Variants in ZNF254 observed in about 807,000 individuals in gnomAD.
ZNF254 encodes zinc finger protein 254, also known as CTD-2017D11.1.
A neutral mutation model predicts 12.4 loss-of-function variants in ZNF254; 10 were observed. That is an observed-to-expected ratio of 0.80 (90% CI 0.50 to 1.36). The LOEUF is 1.36. Among genes scored for constraint, ZNF254 ranks in the 40% most tolerant of loss-of-function variants. The pLI is 0.00. For synonymous variants in ZNF254, 305 were observed against 253.4 expected, an observed-to-expected ratio of 1.20 and a Z score of -1.93; for missense variants, 996 against 763.9, an observed-to-expected ratio of 1.30 and a Z score of -3.58.
chr19:24,083,698 A>T (rs1222185504), upstream of ZNF254, among the ~76,000 whole-genome samples: 1 of 152,208 alleles, frequency 6.6e-6, no homozygotes, highest in African/African-American at 2.4e-5. Flanking sequence ...TCAAAAGAAG[A>T]TATACAAATG....
At chr19:24,123,105 C>T (rs1974597460) in intron 3 of ZNF254, among the ~76,000 whole-genome samples, 2 of 150,742 alleles carry the variant, frequency 1.3e-5, no homozygotes, top group African/African-American at 4.9e-5. Flanking sequence ...TTCATTAAGT[C>T]TGTCTGTTGC....
chr19:24,052,171 T>C (rs1338077381), intron 2 of ZNF254, among the ~76,000 whole-genome samples: 1 of 152,202 alleles, frequency 6.6e-6, no homozygotes, highest in African/African-American at 2.4e-5. Flanking sequence ...GTTGCTGGAC[T>C]CACCACCTAT....
chr19:24,071,738 G>T (rs1401004583), intron 2 of ZNF254, among the ~76,000 whole-genome samples: 2 of 152,118 alleles, frequency 1.3e-5, no homozygotes, highest in African/African-American at 4.8e-5. Flanking sequence ...CCCAAGGAGG[G>T]ATTGTGATGT....
rs1188431333 is a variant in ZNF254 at position 24,087,298 on chromosome 19, C to T, written c.-10C>T. On this transcript the variant is annotated 5_prime_UTR_variant, in exon 1 of 4. Coordinates refer to ENST00000357002, the MANE Select transcript of ZNF254 (RefSeq NM_203282.4). Reference sequence around the variant, plus strand: ...CTGTTACCAGCAGGTATTGGAGATCCACAGCTAAGATGCCAGGACCCCCTA... The same window carrying T: ...CTGTTACCAGCAGGTATTGGAGATCTACAGCTAAGATGCCAGGACCCCCTA... 6.2e-7 allele frequency: 1 copy of T among 1,613,532 alleles called. No individual in the cohort carries two copies. Among genetic ancestry groups the T allele is most frequent in the Non-Finnish European group, 8.5e-7 (1 of 1,179,690 alleles).
chr19:24,053,035 T>G (rs1053323183), intron 2 of ZNF254, among the ~76,000 whole-genome samples: 3 of 152,208 alleles, frequency 2.0e-5, no homozygotes, highest in Non-Finnish European at 4.4e-5. Flanking sequence ...CTCATATGCA[T>G]AGCCTGCCAA....
At chr19:24,035,729 A>C (rs1969941643) in intron 1 of ZNF254, among the ~76,000 whole-genome samples, 2 of 152,248 alleles carry the variant, frequency 1.3e-5, no homozygotes, top group Non-Finnish European at 2.9e-5. Flanking sequence ...TGGGAGCCTG[A>C]GGAAAGAAAG....
At chr19:24,121,715 G>A (rs997012091) in intron 3 of ZNF254, among the ~76,000 whole-genome samples, 9 of 151,954 alleles carry the variant, frequency 5.9e-5, no homozygotes, top group Admixed American at 4.6e-4. Flanking sequence ...CCACTACCAA[G>A]CCTGGATAAT....
chr19:24,102,764 A>T (rs952717216), intron 1 of ZNF254, among the ~76,000 whole-genome samples: 1 of 152,210 alleles, frequency 6.6e-6, no homozygotes, highest in Non-Finnish European at 1.5e-5. Flanking sequence ...GTTCCTGCAG[A>T]TATAGTAGTT....
At chr19:24,124,759 C>CT (rs929835355) in intron 3 of ZNF254, among the ~76,000 whole-genome samples, 6 of 151,214 alleles carry the variant, frequency 4.0e-5, no homozygotes, top group Non-Finnish European at 5.9e-5. Flanking sequence ...TGGCACATCA[C>CT]TTTTTTTCTT....
At chr19:24,068,249 C>T (rs1473521714) in intron 2 of ZNF254, among the ~76,000 whole-genome samples, 1 of 151,164 alleles carries the variant, frequency 6.6e-6, no homozygotes, top group Non-Finnish European at 1.5e-5. Flanking sequence ...AGCGTTGTAA[C>T]ATATCACTGG....
rs1973280619 is a variant in ZNF254 at position 24,105,450 on chromosome 19, T to G, written c.31-490T>G. The G allele has an allele frequency of 1.6e-5, 4 of 256,806 alleles. No homozygotes were observed. The South Asian group carries it at 1.7e-4, about 11-fold the overall frequency. The allele number at this position is 256,806 out of a possible 1,614,324, so 15.9% of individuals were successfully genotyped here. On this transcript the variant is annotated intron_variant, in intron 1 of 3. Coordinates refer to ENST00000357002, the MANE Select transcript of ZNF254 (RefSeq NM_203282.4). ...GGGGCCAAAACATTGGCATTACTGGTGAGCTTGGTAGAGATTCATTAACTC... is the reference window on the plus strand; with the variant it reads ...GGGGCCAAAACATTGGCATTACTGGGGAGCTTGGTAGAGATTCATTAACTC...
chr19:24,034,499 TTTTTTTTTTTTC>T lies in ZNF254; in HGVS notation c.-190+883_-190+894del, dbSNP rs1969887058. Reference sequence around the variant, plus strand: ...ATTTAGGTAAGTGGGTTTTTTTTTTTTTTTTTTTTTTCTTTTGTGCCAGAGTCTCATTCTGTC... The same window carrying T: ...ATTTAGGTAAGTGGGTTTTTTTTTTTTTTTGTGCCAGAGTCTCATTCTGTC... On this transcript the variant is annotated intron_variant, in intron 1 of 4. Coordinates refer to the ZNF254 transcript ENST00000613065. Among the ~76,000 whole-genome samples, 4 of 136,688 alleles carry T rather than the reference TTTTTTTTTTTTC, an allele frequency of 2.9e-5. No homozygotes were observed. In the South Asian group the frequency reaches 1.0e-3, roughly 34 times the overall value. 89.7% of individuals were successfully genotyped at this position (136,688 alleles called of 152,430 possible). A position where few individuals can be genotyped will look rare whatever the true frequency, so the allele number is the denominator to read the frequency against.
chr19:24,084,091 A>G (rs1971942271), upstream of ZNF254, among the ~76,000 whole-genome samples: 1 of 150,498 alleles, frequency 6.6e-6, no homozygotes, highest in Non-Finnish European at 1.5e-5. Context: ...AGCCTAATTA[A>G]TGCCCATCAA....
chr19:24,067,805 G>T (rs1251583616), intron 2 of ZNF254, among the ~76,000 whole-genome samples: 6 of 151,868 alleles, frequency 4.0e-5, no homozygotes, highest in African/African-American at 1.5e-4. Context: ...CAAATATTTT[G>T]CATTGTGACG....
At chr19:24,082,384 T>C (rs111286054), upstream of ZNF254, among the ~76,000 whole-genome samples, 1 of 138,130 alleles carries the variant, frequency 7.2e-6, no homozygotes, top group African/African-American at 2.7e-5. Flanking sequence ...CAGTGGGTCA[T>C]GCCTGTAATC....
At chr19:24,117,416 G>C (rs984013256) in intron 3 of ZNF254, among the ~76,000 whole-genome samples, 1 of 152,148 alleles carries the variant, frequency 6.6e-6, no homozygotes, top group Non-Finnish European at 1.5e-5. Flanking sequence ...CCCTCCCCCA[G>C]CCTCGCTGCT....
chr19:24,123,354 G>A (rs1406330116), intron 3 of ZNF254, among the ~76,000 whole-genome samples: 1 of 152,148 alleles, frequency 6.6e-6, no homozygotes, highest in Non-Finnish European at 1.5e-5. Flanking sequence ...AAATGTATGA[G>A]CTATTGAGAA....
chr19:24,051,389 A>T (rs1187521126), intron 2 of ZNF254, among the ~76,000 whole-genome samples: 2 of 151,816 alleles, frequency 1.3e-5, no homozygotes, highest in Non-Finnish European at 2.9e-5. Context: ...CGAATTCCTG[A>T]CCTCAAGTGA....
chr19:24,117,860 A>G lies in ZNF254; in HGVS notation c.254-8394A>G, dbSNP rs79643103. Among the ~76,000 whole-genome samples, 146 of 152,054 alleles carry G rather than the reference A, an allele frequency of 9.6e-4. 2 individuals are homozygous for G. The East Asian group carries it at 0.027, about 28-fold the overall frequency. On this transcript the variant is annotated intron_variant, in intron 3 of 3. Transcript: ENST00000357002. ...TGGCTGCTCAAGATTTTTTTTTTAAAACTGAATCATATTCCATTCTATCAT... is the reference window on the plus strand; with the variant it reads ...TGGCTGCTCAAGATTTTTTTTTTAAGACTGAATCATATTCCATTCTATCAT...
Sources: allele counts gnomAD v4.1 joint callset (sites outside exome capture counted in the v4.1 genomes callset), GRCh38; gene constraint gnomAD v4.1.1; transcripts MANE v1.5; gene names NCBI Gene and HGNC (gene_info 2026-07-23, HGNC 2026-07-21).